The following ATP10B variants were observed in gnomAD, a reference collection of about 807,000 sequenced individuals.
ATP10B encodes ATPase phospholipid transporting 10B (putative), also known as phospholipid-transporting ATPase VB.
ATP10B carries 122 observed loss-of-function variants against 141.2 expected under a neutral mutation model. The observed-to-expected ratio is 0.86, with a 90% CI of 0.75 to 1.00. The LOEUF is 1.00. Ranked by LOEUF, ATP10B falls within the 50% of genes least tolerant of loss-of-function variation. The pLI, the probability that ATP10B is intolerant of heterozygous loss-of-function variation, is 0.00. For synonymous variants in ATP10B, 685 were observed against 692.0 expected, an observed-to-expected ratio of 0.99 and a Z score of 0.16; for missense variants, 1,876 against 1,825.3, an observed-to-expected ratio of 1.03 and a Z score of -0.51.
chr5:160,705,371 G>A (rs895846371), intron 3 of ATP10B, among the ~76,000 whole-genome samples: 5 of 152,116 alleles, frequency 3.3e-5, no homozygotes, highest in African/African-American at 1.2e-4. Context: ...ACAGGTGCAG[G>A]CCGCCATGCC....
intron 24 of ATP10B, among the ~76,000 whole-genome samples, chr5:160,572,211 G>A (rs916431791): frequency 6.6e-6 from 1 of 150,900 alleles, no homozygotes; most frequent in African/African-American, 2.4e-5. Flanking sequence ...CTTTTTTAAA[G>A]TTATCCAGTA....
At chr5:160,699,501 T>A (rs1031015383) in intron 3 of ATP10B, among the ~76,000 whole-genome samples, 1 of 152,170 alleles carries the variant, frequency 6.6e-6, no homozygotes, top group Non-Finnish European at 1.5e-5. Flanking sequence ...GTGAGTTACA[T>A]ACCAATTAGT....
At chr5:160,873,662 G>C in the ATP10B span, among the ~76,000 whole-genome samples, 1 of 152,212 alleles carries the variant, frequency 6.6e-6, no homozygotes, top group Non-Finnish European at 1.5e-5. Flanking sequence ...AGTGGACGCA[G>C]GTCAGTGGGT....
In ATP10B at chr5:160,838,621, T is replaced by TAATG. The variant is rs543301627; in HGVS notation, c.-576+13316_-576+13319dup. Among the ~76,000 whole-genome samples the TAATG allele has an allele frequency of 9.3e-4, 142 of 152,314 alleles. No homozygotes were observed. In the South Asian group the frequency reaches 0.019, roughly 20 times the overall value. ...AGAATCTACCTGTGATTTTAATGAATAATGGTTAGTAATGTACATACTTTG... is the reference window on the plus strand; with the variant it reads ...AGAATCTACCTGTGATTTTAATGAATAATGAATGGTTAGTAATGTACATACTTTG... On this transcript the variant is annotated intron_variant, in intron 1 of 25. Transcript: ENST00000327245.
At chr5:160,636,148 C>T in intron 11 of ATP10B, 34 bp downstream of exon 11, 1 of 1,564,694 alleles carries the variant, frequency 6.4e-7, no homozygotes, top group Non-Finnish European at 8.6e-7. Flanking sequence ...GGCCACATAT[C>T]TTATTGGGCC....
chr5:160,625,848 C>T (rs768073945), intron 13 of ATP10B, among the ~76,000 whole-genome samples: 10 of 152,228 alleles, frequency 6.6e-5, no homozygotes, highest in Non-Finnish European at 7.3e-5. Context: ...CAATAGCTCA[C>T]CACTGATTAA....
At chr5:160,653,639 CAT>C (rs1241880280) in intron 7 of ATP10B, among the ~76,000 whole-genome samples, 1 of 70,642 alleles carries the variant, frequency 1.4e-5, no homozygotes, top group Non-Finnish European at 2.5e-5. Flanking sequence ...TACATATATA[CAT>C]ATATATTATA....
At chr5:160,570,836 G>A (rs539424403) in intron 24 of ATP10B, among the ~76,000 whole-genome samples, 2 of 152,260 alleles carry the variant, frequency 1.3e-5, no homozygotes, top group African/African-American at 4.8e-5. Flanking sequence ...CTTGAAATTT[G>A]TCTTTTGATG....
chr5:160,677,728 C>T (rs1291965292), intron 6 of ATP10B, among the ~76,000 whole-genome samples: 1 of 152,198 alleles, frequency 6.6e-6, no homozygotes, highest in East Asian at 1.9e-4. Flanking sequence ...CATGCAGTAA[C>T]TCATTTAATA....
Position 160,598,840 on chromosome 5 carries a change from A to G in ATP10B, c.3494T>C (p.Leu1165Pro), listed in dbSNP as rs369899160. 206 of 1,614,214 alleles carry G rather than the reference A, an allele frequency of 1.3e-4. No homozygotes were observed. The highest frequency in any genetic ancestry group is 1.7e-4 in the Admixed American group (10 of 60,030). The change falls in exon 22 of 26, where the codon CTT (leucine) becomes CCT (proline). Residue 1165 changes from leucine to proline, a missense_variant. Transcript: ENST00000327245. ...TGTTTCTGCAGAGATGTCTTTGTCAAGGACTCCAAAGACAAGAGGAGGCAA... is the reference window on the plus strand; with the variant it reads ...TGTTTCTGCAGAGATGTCTTTGTCAGGGACTCCAAAGACAAGAGGAGGCAA... ...TSLPPLVFGV[L>P]DKDISAETLL...
chr5:160,708,862 T>C (rs1765178194), intron 3 of ATP10B, among the ~76,000 whole-genome samples: 1 of 152,212 alleles, frequency 6.6e-6, no homozygotes, highest in Non-Finnish European at 1.5e-5. Context: ...TCTTGAATTA[T>C]CTCGTGGATT....
chr5:160,814,077 TCTC>T (rs1773392494), intron 1 of ATP10B, among the ~76,000 whole-genome samples: 1 of 152,032 alleles, frequency 6.6e-6, no homozygotes, highest in Non-Finnish European at 1.5e-5. Flanking sequence ...TCAGAGCACC[TCTC>T]CTCCTTCGAA....
intron 13 of ATP10B, among the ~76,000 whole-genome samples, chr5:160,629,463 C>G (rs966213586): frequency 6.6e-6 from 1 of 152,086 alleles, no homozygotes. Context: ...CTTGGCTGCT[C>G]CTTAGAATTA....
At position 160,836,610 on chromosome 5, in the gene ATP10B, C is replaced by T. The variant is rs184840488; in HGVS notation, c.-576+15331G>A. Among the ~76,000 whole-genome samples, 26 of 152,216 alleles carry T rather than the reference C, an allele frequency of 1.7e-4. No homozygotes were observed. In the East Asian group the frequency reaches 2.5e-3, roughly 15 times the overall value. Reference sequence around the variant, plus strand: ...ACTGAATAATACCCTCGGTGAACTACTTGCAAACTATCTTTGCTTCCTTAG... The same window carrying T: ...ACTGAATAATACCCTCGGTGAACTATTTGCAAACTATCTTTGCTTCCTTAG... On this transcript the variant is annotated intron_variant, in intron 1 of 25. Coordinates refer to ENST00000327245, the MANE Select transcript of ATP10B (RefSeq NM_025153.3).
the ATP10B span, among the ~76,000 whole-genome samples, chr5:160,872,630 G>A: frequency 1.3e-5 from 2 of 152,258 alleles, no homozygotes; most frequent in East Asian, 1.9e-4. Context: ...GTTGAAAAAG[G>A]TGTCATTTCC....
intron 1 of ATP10B, among the ~76,000 whole-genome samples, chr5:160,806,772 C>T (rs1455031722): frequency 6.6e-6 from 1 of 152,204 alleles, no homozygotes; most frequent in Non-Finnish European, 1.5e-5. Flanking sequence ...GTAACTTATT[C>T]AAGGTCACTT....
At chr5:160,925,578 C>T in the ATP10B span, among the ~76,000 whole-genome samples, 26 of 152,276 alleles carry the variant, frequency 1.7e-4, no homozygotes, top group Admixed American at 4.6e-4. Context: ...GTGGCAGATA[C>T]GAAGTAGTAA....
intron 2 of ATP10B, among the ~76,000 whole-genome samples, chr5:160,757,440 A>G (rs1393735227): frequency 6.6e-6 from 1 of 152,204 alleles, no homozygotes; most frequent in Non-Finnish European, 1.5e-5. Flanking sequence ...TGTTAAGTTA[A>G]TGTTTACTGG....
chr5:160,823,382 G>A (rs1488026924), intron 1 of ATP10B, among the ~76,000 whole-genome samples: 2 of 151,920 alleles, frequency 1.3e-5, no homozygotes, highest in African/African-American at 4.8e-5. Flanking sequence ...ACTGGGGCCT[G>A]TCAGGGAGTG....
Sources: gnomAD v4.1 joint callset for allele counts (sites outside exome capture counted in the v4.1 genomes callset) on GRCh38, gnomAD v4.1.1 for gene constraint, MANE v1.5 for transcripts, NCBI Gene and HGNC (gene_info 2026-07-23, HGNC 2026-07-21) for gene names.